Variants in BIN2 observed in about 807,000 individuals in gnomAD.
BIN2 encodes the protein breast cancer associated protein BRAP1.
Under a neutral mutation model 67.9 loss-of-function variants are expected in BIN2, and 43 were observed. That is an observed-to-expected ratio of 0.63 (90% CI 0.50 to 0.82). The LOEUF (loss-of-function observed/expected upper bound fraction) is 0.82, where lower values mean the gene tolerates loss of function less well. BIN2 is among the 40% of genes least tolerant of loss of function. The probability of loss-of-function intolerance (pLI) is 0.00; values close to 1 mark genes in which losing one functional copy is unlikely to be tolerated. For missense variants in BIN2, 581 were observed against 671.6 expected (o/e 0.87, Z 1.49); for synonymous variants, 244 against 246.8 (o/e 0.99, Z 0.11).
In BIN2 at chr12:51,313,806, C is replaced by T. The variant is rs370137573; in HGVS notation, c.162+17G>A. ...CCTTTCTTCTTCCAAGCTTCCCTCCCCTACCCTCCAGATTACCTGTTGTTG... is the reference window on the plus strand; with the variant it reads ...CCTTTCTTCTTCCAAGCTTCCCTCCTCTACCCTCCAGATTACCTGTTGTTG... On this transcript the variant is annotated intron_variant, in intron 2 of 12. Coordinates refer to ENST00000615107, the MANE Select transcript of BIN2 (RefSeq NM_016293.4). 18 of 1,604,872 alleles carry T rather than the reference C, an allele frequency of 1.1e-5. No homozygotes were observed. Among genetic ancestry groups the T allele is most frequent in the South Asian group, 6.6e-5 (6 of 90,880 alleles).
intron 1 of BIN2, among the ~76,000 whole-genome samples, chr12:51,320,915 GAGA>G (rs1333989317): frequency 1.7e-4 from 16 of 93,146 alleles, no homozygotes; most frequent in Non-Finnish European, 2.6e-4. Flanking sequence ...AGTTGGAAAT[GAGA>G]AGATGTATCA....
At chr12:51,322,357 C>G (rs1946305724) in intron 1 of BIN2, among the ~76,000 whole-genome samples, 1 of 152,164 alleles carries the variant, frequency 6.6e-6, no homozygotes, top group South Asian at 2.1e-4. Context: ...ACAGAAGATG[C>G]AAGAGTGAAA....
intron 2 of BIN2, among the ~76,000 whole-genome samples, chr12:51,309,214 G>A (rs543212948): frequency 6.6e-6 from 1 of 152,230 alleles, no homozygotes; most frequent in South Asian, 2.1e-4. Flanking sequence ...GAGCCTAGGA[G>A]TTTGAGACCA....
chr12:51,302,104 G>C lies in BIN2; in HGVS notation c.324C>G (p.Leu108=). Residue 108 remains leucine (L), a synonymous_variant, in exon 5 of 13, where the codon CTC becomes CTG. Transcript: ENST00000615107. ...ELKAIVWNND[L]LWEDYEEKLA... is the part of the protein sequence containing the mutation. ...GTTTCTCCTCGTAGTCTTCCCAAAG[G>C]AGATCATTATTCTGTAGGATAGAGT... The C allele has an allele frequency of 6.2e-7, 1 of 1,611,258 alleles. No homozygotes were observed. The highest frequency in any genetic ancestry group is 2.2e-5 in the East Asian group (1 of 44,862).
At chr12:51,285,667 A>G (rs1428641362) in intron 11 of BIN2, among the ~76,000 whole-genome samples, 4 of 145,844 alleles carry the variant, frequency 2.7e-5, no homozygotes, top group Admixed American at 1.4e-4. Flanking sequence ...TCTGTCACCC[A>G]GGCTGGAGTG....
intron 8 of BIN2, among the ~76,000 whole-genome samples, chr12:51,296,476 G>A (rs1035009604): frequency 6.6e-6 from 1 of 150,534 alleles, no homozygotes; most frequent in African/African-American, 2.4e-5. Context: ...CAGCCTAGGT[G>A]CCAGAGCAAG....
chr12:51,302,914 TG>T, intron 3 of BIN2, 134 bp from the exon 4 acceptor site: 1 of 1,106,236 alleles, frequency 9.0e-7, no homozygotes, highest in Non-Finnish European at 1.4e-6. Context: ...TGAGGAAAGC[TG>T]GATGGGGCTG....
rs528090191 is a variant in BIN2, at chr12:51,294,511, A to G, written c.761+1285T>C. Among the ~76,000 whole-genome samples, 279 of 151,854 alleles carry G rather than the reference A, an allele frequency of 1.8e-3. 5 individuals carry two copies. In the South Asian group the frequency reaches 0.054, roughly 29 times the overall value. ...GAACCCGGGAAGCAGAGGTTGCAGT[A>G]AGCCAAGATTGTGCCATTGCACTCC... On this transcript the variant is annotated intron_variant, in intron 9 of 12. Transcript: ENST00000615107.
chr12:51,295,574 AAAAATATATATATATAT>A lies in BIN2; in HGVS notation c.761+205_761+221del, dbSNP rs1316682548. 1.2e-4 allele frequency among the ~76,000 whole-genome samples: 2 copies of A among 16,612 alleles called. 1 individual carries two copies. Among genetic ancestry groups the A allele is most frequent in the East Asian group, 9.8e-3 (2 of 204 alleles). 10.9% of individuals were successfully genotyped at this position (16,612 alleles called of 152,430 possible). A position where few individuals can be genotyped will look rare whatever the true frequency, so the allele number is the denominator to read the frequency against. On this transcript the variant is annotated intron_variant, in intron 9 of 12. Coordinates refer to ENST00000615107, the MANE Select transcript of BIN2 (RefSeq NM_016293.4). ...TGAGACTCCGTCTCAAAAAAAAAAA[AAAAATATATATATATAT>A]ATATATATATATATATATATATATA...
At chr12:51,301,252 A>C (rs914121066) in intron 5 of BIN2, among the ~76,000 whole-genome samples, 2 of 152,078 alleles carry the variant, frequency 1.3e-5, no homozygotes, top group Non-Finnish European at 2.9e-5. Context: ...ACAAAAAAAA[A>C]CTAGCTGAAT....
chr12:51,281,422 T>A lies in BIN2; in HGVS notation c.*77A>T. The A allele has an allele frequency of 6.8e-7, 1 of 1,463,874 alleles. No individual in the cohort carries two copies. Among genetic ancestry groups the A allele is most frequent in the Non-Finnish European group, 9.6e-7 (1 of 1,043,514 alleles). 90.7% of individuals were successfully genotyped at this position (1,463,874 alleles called of 1,614,324 possible). On this transcript the variant is annotated 3_prime_UTR_variant, in exon 13 of 13. Transcript: ENST00000615107. The stretch of plus-strand genomic sequence containing the variant: ...CCAGGGATGGATGCTGGCTCTTATA[T>A]CCCTCTGACCTATACCCTCTGGTTG...
chr12:51,299,097 G>C, intron 7 of BIN2, 106 bp downstream of exon 7: 5 of 775,162 alleles, frequency 6.5e-6, no homozygotes, highest in Non-Finnish European at 1.1e-5. Context: ...AAGGGGGCGG[G>C]GCAGTGTGGG....
intron 10 of BIN2, among the ~76,000 whole-genome samples, chr12:51,289,876 TC>T (rs1456384156): frequency 5.9e-5 from 9 of 151,734 alleles, no homozygotes; most frequent in Non-Finnish European, 4.4e-5. Flanking sequence ...TTGCTTTACT[TC>T]CCTCTGTGAG....
At chr12:51,319,488 A>C (rs1220341736) in intron 1 of BIN2, among the ~76,000 whole-genome samples, 1 of 152,210 alleles carries the variant, frequency 6.6e-6, no homozygotes, top group African/African-American at 2.4e-5. Flanking sequence ...ATGTTTGTTG[A>C]AACAATGAAT....
intron 10 of BIN2, 138 bp downstream of exon 10, chr12:51,291,453 G>C: frequency 1.2e-6 from 1 of 815,852 alleles, no homozygotes; most frequent in Non-Finnish European, 1.8e-6. Context: ...TGTTGGCAGA[G>C]GATCACTTGA....
At chr12:51,283,733 G>A (rs1311375557) in intron 12 of BIN2, among the ~76,000 whole-genome samples, 1 of 152,092 alleles carries the variant, frequency 6.6e-6, no homozygotes, top group Non-Finnish European at 1.5e-5. Flanking sequence ...GGTGGCTCCC[G>A]CCTGTAACCC....
chr12:51,311,194 G>A (rs1160449665), intron 2 of BIN2, among the ~76,000 whole-genome samples: 1 of 150,400 alleles, frequency 6.6e-6, no homozygotes, highest in Non-Finnish European at 1.5e-5. Context: ...TGGGACCACA[G>A]ACGTGCACCA....
chr12:51,308,217 CTT>C lies in BIN2; in HGVS notation c.163-5078_163-5077del, dbSNP rs1945918801. ...TCTCGCTTGTCTGGGAGTCAAGAAACTTGACTTTACCACCAACTAGCAAGTTA... is the reference window on the plus strand; with the variant it reads ...TCTCGCTTGTCTGGGAGTCAAGAAACGACTTTACCACCAACTAGCAAGTTA... On this transcript the variant is annotated intron_variant, in intron 2 of 12. Coordinates refer to ENST00000615107, the MANE Select transcript of BIN2 (RefSeq NM_016293.4). Among the ~76,000 whole-genome samples, 4 of 152,262 alleles carry C rather than the reference CTT, an allele frequency of 2.6e-5. No individual in the cohort carries two copies. The South Asian group carries it at 8.3e-4, about 32-fold the overall frequency.
chr12:51,290,523 C>T (rs1003689605), intron 10 of BIN2, among the ~76,000 whole-genome samples: 1 of 152,062 alleles, frequency 6.6e-6, no homozygotes, highest in Non-Finnish European at 1.5e-5. Context: ...TAGAGATAAG[C>T]CCCTTATAGA....
Sources: gnomAD v4.1 joint callset for allele counts (sites outside exome capture counted in the v4.1 genomes callset) on GRCh38, gnomAD v4.1.1 for gene constraint, MANE v1.5 for transcripts, NCBI Gene and HGNC (gene_info 2026-07-23, HGNC 2026-07-21) for gene names.